Variants in SLC35F4 observed in about 807,000 individuals in gnomAD.
SLC35F4 encodes solute carrier family 35 member F4, also known as chromosome 14 open reading frame 36.
Under a neutral mutation model 44.2 loss-of-function variants are expected in SLC35F4, and 24 were observed. The observed-to-expected ratio is 0.54, with a 90% CI of 0.39 to 0.76. The LOEUF (loss-of-function observed/expected upper bound fraction) is 0.76, where lower values mean the gene tolerates loss of function less well. Ranked by LOEUF, SLC35F4 falls within the 30% of genes least tolerant of loss-of-function variation. The probability of loss-of-function intolerance (pLI) is 0.00; values close to 1 mark genes in which losing one functional copy is unlikely to be tolerated. For missense variants in SLC35F4, 562 were observed against 586.1 expected (o/e 0.96, Z 0.42); for synonymous variants, 238 against 223.6 (o/e 1.06, Z -0.57).
intron 1 of SLC35F4, among the ~76,000 whole-genome samples, chr14:57,678,493 TG>T (rs1246060102): frequency 6.6e-6 from 1 of 151,976 alleles, no homozygotes; most frequent in African/African-American, 2.4e-5. Flanking sequence ...AGCATCATAA[TG>T]GGAGGATCAA....
upstream of SLC35F4, among the ~76,000 whole-genome samples, chr14:57,870,571 T>A (rs986632758): frequency 2.0e-5 from 3 of 152,230 alleles, no homozygotes; most frequent in African/African-American, 7.2e-5. Context: ...ACTATTTTTA[T>A]GCAGACATAG....
intron 1 of SLC35F4, among the ~76,000 whole-genome samples, chr14:57,747,555 C>A (rs992967048): frequency 1.3e-5 from 2 of 152,090 alleles, no homozygotes; most frequent in African/African-American, 4.8e-5. Flanking sequence ...AATTGGCAAC[C>A]CTTGGGCAAT....
chr14:57,970,146 T>C (rs776792078), intron 1 of SLC35F4, among the ~76,000 whole-genome samples: 1 of 152,120 alleles, frequency 6.6e-6, no homozygotes, highest in South Asian at 2.1e-4. Flanking sequence ...AAATACAAAA[T>C]GGGTATATAG....
chr14:57,729,294 C>G (rs998866109), intron 1 of SLC35F4, among the ~76,000 whole-genome samples: 1 of 152,036 alleles, frequency 6.6e-6, no homozygotes, highest in African/African-American at 2.4e-5. Flanking sequence ...CTCTGCTTTT[C>G]TCAAACAGAA....
At chr14:57,964,369 G>T (rs11158185) in intron 1 of SLC35F4, among the ~76,000 whole-genome samples, 14,385 of 151,512 alleles carry the variant, frequency 0.095, 928 homozygotes, top group African/African-American at 0.19. Flanking sequence ...CTTTGATTGT[G>T]GCTGGAATCT....
At chr14:57,627,034 A>G (rs1301207589) in intron 1 of SLC35F4, among the ~76,000 whole-genome samples, 1 of 152,160 alleles carries the variant, frequency 6.6e-6, no homozygotes, top group Non-Finnish European at 1.5e-5. Context: ...TTCCTGGTCT[A>G]TAGTAACTCC....
intron 1 of SLC35F4, among the ~76,000 whole-genome samples, chr14:57,672,335 C>T (rs2074546820): frequency 1.3e-5 from 2 of 152,052 alleles, no homozygotes; most frequent in Non-Finnish European, 2.9e-5. Context: ...AGCATTGACA[C>T]CCAGATTTAA....
intron 3 of SLC35F4, among the ~76,000 whole-genome samples, chr14:57,583,157 C>T (rs2069419843): frequency 6.6e-6 from 1 of 152,174 alleles, no homozygotes; most frequent in African/African-American, 2.4e-5. Flanking sequence ...CGCTCACATA[C>T]ACAGGAAAGT....
At chr14:57,844,399 T>C (rs1885799881) in intron 1 of SLC35F4, among the ~76,000 whole-genome samples, 2 of 152,232 alleles carry the variant, frequency 1.3e-5, no homozygotes, top group South Asian at 4.1e-4. Flanking sequence ...ATGCTGGACT[T>C]CTGTTTCTGA....
chr14:57,702,482 T>C (rs1015404834), intron 1 of SLC35F4, among the ~76,000 whole-genome samples: 1 of 152,212 alleles, frequency 6.6e-6, no homozygotes, highest in African/African-American at 2.4e-5. Context: ...CAGGTCATCA[T>C]GTAAAAAATC....
At chr14:57,681,051 C>G (rs1028139199) in intron 1 of SLC35F4, among the ~76,000 whole-genome samples, 1 of 119,284 alleles carries the variant, frequency 8.4e-6, no homozygotes, top group Non-Finnish European at 1.8e-5. Flanking sequence ...CAAAAAAGAG[C>G]CCATATAGCC....
chr14:57,788,430 A>G (rs1595064815), intron 1 of SLC35F4, among the ~76,000 whole-genome samples: 1 of 152,322 alleles, frequency 6.6e-6, no homozygotes. Context: ...GCAAATATAT[A>G]CAGAACATTT....
intron 1 of SLC35F4, among the ~76,000 whole-genome samples, chr14:57,941,636 G>A (rs1462165239): frequency 6.6e-6 from 1 of 152,038 alleles, no homozygotes; most frequent in Non-Finnish European, 1.5e-5. Flanking sequence ...TCAATATCAT[G>A]TATGTACTAA....
intron 1 of SLC35F4, among the ~76,000 whole-genome samples, chr14:57,661,034 G>T (rs1040992875): frequency 6.6e-6 from 1 of 152,168 alleles, no homozygotes; most frequent in Non-Finnish European, 1.5e-5. Context: ...GGCACTGTAG[G>T]TGAACTTAGA....
chr14:57,673,159 G>A (rs1876357342), intron 1 of SLC35F4, among the ~76,000 whole-genome samples: 1 of 152,048 alleles, frequency 6.6e-6, no homozygotes, highest in East Asian at 1.9e-4. Flanking sequence ...ACTTTTTTAT[G>A]TAAGACAAAC....
chr14:57,854,414 C>T (rs1886882677), intron 1 of SLC35F4, among the ~76,000 whole-genome samples: 1 of 152,126 alleles, frequency 6.6e-6, no homozygotes, highest in South Asian at 2.1e-4. Flanking sequence ...ATAAAATAGG[C>T]TGTCTGTTAC....
At chr14:57,806,875 A>G (rs77409336) in intron 1 of SLC35F4, among the ~76,000 whole-genome samples, 7,077 of 152,300 alleles carry the variant, frequency 0.046, 436 homozygotes, top group African/African-American at 0.14. Context: ...TGGAAAAAAT[A>G]AAGCTACTTC....
intron 1 of SLC35F4, among the ~76,000 whole-genome samples, chr14:57,855,409 A>C (rs1244633563): frequency 6.6e-6 from 1 of 152,370 alleles, no homozygotes; most frequent in Non-Finnish European, 1.5e-5. Context: ...AAAAGAAGAC[A>C]TTTATGCAGC....
At chr14:57,790,110 C>G (rs1446221378) in intron 1 of SLC35F4, among the ~76,000 whole-genome samples, 1 of 152,168 alleles carries the variant, frequency 6.6e-6, no homozygotes, top group East Asian at 1.9e-4. Context: ...TTTCTCACCA[C>G]TCCTATTCAA....
Sources: gnomAD v4.1 joint callset for allele counts (sites outside exome capture counted in the v4.1 genomes callset) on GRCh38, gnomAD v4.1.1 for gene constraint, MANE v1.5 for transcripts, NCBI Gene and HGNC (gene_info 2026-07-23, HGNC 2026-07-21) for gene names.